The following SLC19A3 variants were observed in gnomAD, a reference collection of about 807,000 sequenced individuals.
The protein encoded by SLC19A3 is thiamine transporter 2.
Under a neutral mutation model 40.2 loss-of-function variants are expected in SLC19A3, and 31 were observed. The ratio of observed to expected loss-of-function variants is 0.77; its 90% CI spans 0.58 to 1.04. The LOEUF (loss-of-function observed/expected upper bound fraction) is 1.04. Among genes scored for constraint, SLC19A3 ranks in the 50% least tolerant of loss-of-function variants. The pLI is 0.00. For synonymous variants in SLC19A3, 212 were observed against 227.5 expected (o/e 0.93, Z 0.61); for missense variants, 592 against 596.7 (o/e 0.99, Z 0.08).
rs1422976403 is a variant in SLC19A3 at position 227,686,113 on chromosome 2, C to G, written c.*1284G>C. ...TTGGGAGGCTGAGGTAGGAGAATGG[C>G]TTGAACTCAGGAGGTGAAGTTTGCA... On this transcript the variant is annotated 3_prime_UTR_variant, in exon 6 of 6. Transcript: ENST00000644224. 4.5e-6 allele frequency: 2 copies of G among 447,834 alleles called. No individual in the cohort carries two copies. The highest frequency in any genetic ancestry group is 4.8e-5 in the Admixed American group (2 of 41,950). The allele number at this position is 447,834 out of a possible 1,614,324, so 27.7% of individuals were successfully genotyped here.
chr2:227,698,584 C>G, intron 3 of SLC19A3, 152 bp downstream of exon 3: 1 of 755,006 alleles, frequency 1.3e-6, no homozygotes, highest in Non-Finnish European at 2.3e-6. Context: ...CAGGCATAAG[C>G]CACCATGCCC....
At chr2:227,696,139 A>C in intron 3 of SLC19A3, 58 bp from the exon 4 acceptor site, 1 of 1,538,646 alleles carries the variant, frequency 6.5e-7, no homozygotes, top group Non-Finnish European at 9.0e-7. Flanking sequence ...GGAAAATATC[A>C]ACACCCTCTC....
At chr2:227,704,327 A>G (rs553110459) in intron 1 of SLC19A3, among the ~76,000 whole-genome samples, 22 of 152,358 alleles carry the variant, frequency 1.4e-4, no homozygotes, top group Non-Finnish European at 2.9e-4. Flanking sequence ...TACAGGACAG[A>G]AAGGTCCTCA....
At chr2:227,709,754 C>A (rs1233577640) in intron 1 of SLC19A3, among the ~76,000 whole-genome samples, 1 of 152,080 alleles carries the variant, frequency 6.6e-6, no homozygotes, top group African/African-American at 2.4e-5. Flanking sequence ...TGGAGAAGAA[C>A]AAGATATTGG....
rs1325404573 is a variant in SLC19A3, at chr2:227,703,369, G to C, written c.-2-1049C>G. 6.6e-6 allele frequency among the ~76,000 whole-genome samples: 1 copy of C among 152,136 alleles called. No homozygotes were observed. Among genetic ancestry groups the C allele is most frequent in the African/African-American group, 2.4e-5 (1 of 41,416 alleles). On this transcript the variant is annotated intron_variant, in intron 1 of 5. Coordinates refer to ENST00000644224, the MANE Select transcript of SLC19A3 (RefSeq NM_025243.4). The surrounding 1 kb of genome is among the most constrained non-coding windows in gnomAD (Gnocchi z 4.7). ...TTGGGGAGGTAGGAAGGACCTACTA[G>C]GTCACATCATTGCGGCTTGCCACTC...
At chr2:227,711,926 T>C (rs1261107784) in intron 1 of SLC19A3, among the ~76,000 whole-genome samples, 1 of 151,842 alleles carries the variant, frequency 6.6e-6, no homozygotes, top group Non-Finnish European at 1.5e-5. Flanking sequence ...GGCACAAGCC[T>C]GTAATCCCAG....
At chr2:227,702,714 A>G (rs1243551205) in intron 1 of SLC19A3, 1 of 204,234 alleles carries the variant, frequency 4.9e-6, no homozygotes, top group East Asian at 1.3e-4. Context: ...AACAAAAAAC[A>G]AAAAACAATC....
intron 2 of SLC19A3, chr2:227,701,201 C>T (rs1695674072): frequency 2.4e-6 from 2 of 822,462 alleles, no homozygotes; most frequent in Non-Finnish European, 3.4e-6. Flanking sequence ...ACCCGAGGCA[C>T]CCATCAGCCT....
chr2:227,716,624 C>T (rs10177134), intron 1 of SLC19A3, among the ~76,000 whole-genome samples: 2,149 of 152,260 alleles, frequency 0.014, 47 homozygotes, highest in African/African-American at 0.048. Context: ...TAGCAGAAGC[C>T]CATCCACTTC....
At position 227,695,975 on chromosome 2, in the gene SLC19A3, G is replaced by A; in HGVS notation, c.1086C>T (p.Leu362=). ...CCCAGATATTGGCTGTGTAATGCAT[G>A]AGAAATAAAGAACCGGCATTGACAA... ...FSVVNAGSLF[L]MHYTANIWAC... The change falls in exon 4 of 6, where the codon CTC becomes CTT. Residue 362 remains leucine (L), a synonymous_variant. Transcript: ENST00000644224. The A allele has an allele frequency of 6.2e-7, 1 of 1,614,156 alleles. No individual in the cohort carries two copies. The highest frequency in any genetic ancestry group is 8.5e-7 in the Non-Finnish European group (1 of 1,180,032).
chr2:227,697,554 TGCTA>T (rs1381696675), intron 3 of SLC19A3, among the ~76,000 whole-genome samples: 1 of 152,208 alleles, frequency 6.6e-6, no homozygotes, highest in Non-Finnish European at 1.5e-5. Context: ...TATAGGTGCA[TGCTA>T]GCTAGTTCAA....
chr2:227,690,760 C>T (rs1239098031), intron 4 of SLC19A3, among the ~76,000 whole-genome samples: 1 of 140,080 alleles, frequency 7.1e-6, no homozygotes, highest in East Asian at 2.1e-4. Context: ...ACGTATGGAG[C>T]ACCCATATAT....
chr2:227,702,057 C>T, intron 2 of SLC19A3, 112 bp downstream of exon 2: 1 of 864,312 alleles, frequency 1.2e-6, no homozygotes, highest in Non-Finnish European at 1.9e-6. Context: ...AAATCAGGCT[C>T]ACTGAGTTTA....
intron 1 of SLC19A3, among the ~76,000 whole-genome samples, chr2:227,708,077 T>C (rs1232299162): frequency 6.6e-6 from 1 of 152,202 alleles, no homozygotes; most frequent in African/African-American, 2.4e-5. Flanking sequence ...TAAGGCCACA[T>C]TGTTTACTGC....
chr2:227,692,897 C>A (rs1262456621), intron 4 of SLC19A3, among the ~76,000 whole-genome samples: 1 of 152,112 alleles, frequency 6.6e-6, no homozygotes, highest in African/African-American at 2.4e-5. Flanking sequence ...CATAACATTT[C>A]TATATGCAAA....
rs868812922 is a variant in SLC19A3, at chr2:227,685,210, T to C, written c.*2187A>G. On this transcript the variant is annotated 3_prime_UTR_variant, in exon 6 of 6. Transcript: ENST00000644224. ...CTATAAAGAAACACCTGAGACTAGA[T>C]AGTTTGTAAGAAAAGGGGTTTAATT... is the stretch of plus-strand genomic sequence containing the variant. 1 of 152,000 alleles carries C rather than the reference T, an allele frequency of 6.6e-6. No individual in the cohort carries two copies. Among genetic ancestry groups the C allele is most frequent in the African/African-American group, 2.4e-5 (1 of 41,384 alleles). The allele number at this position is 152,000 out of a possible 1,614,324, so 9.4% of individuals were successfully genotyped here. A position where few individuals can be genotyped will look rare whatever the true frequency, so the allele number is the denominator to read the frequency against.
At chr2:227,707,399 A>T (rs913003689) in intron 1 of SLC19A3, among the ~76,000 whole-genome samples, 13 of 152,094 alleles carry the variant, frequency 8.5e-5, no homozygotes, top group African/African-American at 3.1e-4. Context: ...AGCCTGAGCG[A>T]CACGGTGAAA....
chr2:227,702,483 T>C lies in SLC19A3; in HGVS notation c.-2-163A>G, dbSNP rs570230805. ...ATCTCAGCCCATTGCAACCTGTGCC[T>C]CCCGGGCTCAAGCCATTCTCCTGCC... On this transcript the variant is annotated intron_variant, in intron 1 of 5. Transcript: ENST00000644224. 4.4e-4 allele frequency: 290 copies of C among 666,162 alleles called. 7 individuals are homozygous for C. The South Asian group carries it at 5.2e-3, about 12-fold the overall frequency. 41.3% of individuals were successfully genotyped at this position (666,162 alleles called of 1,614,324 possible).
chr2:227,705,852 C>G (rs1366012358), intron 1 of SLC19A3, among the ~76,000 whole-genome samples: 4 of 151,878 alleles, frequency 2.6e-5, no homozygotes, highest in Admixed American at 2.6e-4. Flanking sequence ...GCACATGTAC[C>G]CCAGAACTTA....
Sources: allele counts gnomAD v4.1 joint callset (sites outside exome capture counted in the v4.1 genomes callset), GRCh38; gene constraint gnomAD v4.1.1; non-coding constraint Gnocchi (gnomAD v3.1); transcripts MANE v1.5; gene names NCBI Gene and HGNC (gene_info 2026-07-23, HGNC 2026-07-21).